The following ZNF320 variants were observed in gnomAD, a reference collection of about 807,000 sequenced individuals.
ZNF320 encodes the protein zinc finger gene 320.
ZNF320 carries 2 observed loss-of-function variants against 6.8 expected under a neutral mutation model. That is an observed-to-expected ratio of 0.29 (90% confidence interval 0.12 to 0.93). The LOEUF is 0.93. ZNF320 is among the 40% of genes least tolerant of loss of function. The probability of loss-of-function intolerance (pLI) is 0.55; values close to 1 mark genes in which losing one functional copy is unlikely to be tolerated. For missense variants in ZNF320, 472 were observed against 611.0 expected (o/e 0.77, Z 2.40); for synonymous variants, 208 against 203.2 (o/e 1.02, Z -0.20).
chr19:52,872,383 C>T (rs1175959573), downstream of ZNF320, among the ~76,000 whole-genome samples: 1 of 152,146 alleles, frequency 6.6e-6, no homozygotes, highest in African/African-American at 2.4e-5. Flanking sequence ...AGATAAGAGA[C>T]TGAGAAAAGA....
chr19:52,887,388 A>G (rs958493472), intron 5 of ZNF320, among the ~76,000 whole-genome samples: 1 of 152,228 alleles, frequency 6.6e-6, no homozygotes, highest in Non-Finnish European at 1.5e-5. Context: ...TCCCAGCCCT[A>G]TATTTCTGTA....
At chr19:52,866,116 TTA>T (rs1228265621) in intron 5 of ZNF320, among the ~76,000 whole-genome samples, 1 of 63,774 alleles carries the variant, frequency 1.6e-5, no homozygotes, top group African/African-American at 8.9e-5. Flanking sequence ...ATACATATAT[TTA>T]TATATGTATG....
At chr19:52,861,368 A>T (rs1481970184) in exon 6 of ZNF320, among the ~76,000 whole-genome samples, 1 of 152,218 alleles carries the variant, frequency 6.6e-6, no homozygotes, top group Admixed American at 6.5e-5. Context: ...AACATATATA[A>T]ATAGAGATAG....
upstream of ZNF320, among the ~76,000 whole-genome samples, chr19:52,898,498 A>T (rs183016692): frequency 0.011 from 1,684 of 152,302 alleles, 28 homozygotes; most frequent in African/African-American, 0.034. Flanking sequence ...AGGGATTTTT[A>T]AAAAAAGCAT....
intron 1 of ZNF320, among the ~76,000 whole-genome samples, chr19:52,896,758 G>A (rs1404781745): frequency 1.3e-5 from 2 of 152,172 alleles, no homozygotes; most frequent in Non-Finnish European, 2.9e-5. Context: ...TCTGGGGGCA[G>A]CGAATCTAAG....
intron 5 of ZNF320, among the ~76,000 whole-genome samples, chr19:52,866,869 CAA>C (rs58231328): frequency 0.02 from 2,129 of 108,828 alleles, 37 homozygotes; most frequent in African/African-American, 0.066. Context: ...ACAAAACATA[CAA>C]AAAAAAAAAA....
chr19:52,866,559 G>A (rs1198958661), intron 5 of ZNF320, among the ~76,000 whole-genome samples: 1 of 152,026 alleles, frequency 6.6e-6, no homozygotes, highest in African/African-American at 2.4e-5. Flanking sequence ...AACACTTGCA[G>A]GATAAAATAC....
intron 5 of ZNF320, among the ~76,000 whole-genome samples, chr19:52,869,605 C>T (rs926135256): frequency 9.9e-5 from 15 of 151,722 alleles, no homozygotes; most frequent in African/African-American, 2.2e-4. Context: ...GGTGTGATCT[C>T]GGCTCACTGC....
At chr19:52,865,473 C>T (rs1015839923) in intron 5 of ZNF320, 519 of 38,718 alleles carry the variant, frequency 0.013, 14 homozygotes, top group African/African-American at 0.052. Flanking sequence ...ATATATATTA[C>T]ATATATATAT....
intron 5 of ZNF320, among the ~76,000 whole-genome samples, chr19:52,868,605 T>A (rs986465472): frequency 9.9e-5 from 15 of 152,072 alleles, no homozygotes; most frequent in Non-Finnish European, 1.6e-4. Context: ...GACCCCAATT[T>A]GCACATACAG....
At chr19:52,899,401 T>A (rs1338213890), upstream of ZNF320, among the ~76,000 whole-genome samples, 1 of 151,896 alleles carries the variant, frequency 6.6e-6, no homozygotes, top group African/African-American at 2.4e-5. Flanking sequence ...TTAAATTTTC[T>A]ACAAACTTTT....
chr19:52,864,120 A>G (rs781248704), exon 6 of ZNF320: 1 of 330,802 alleles, frequency 3.0e-6, no homozygotes, highest in Non-Finnish European at 6.0e-6. Flanking sequence ...CACTCCAGCA[A>G]AGAGAACTCT....
At chr19:52,894,406 CAAAG>C (rs2064408734) in intron 1 of ZNF320, among the ~76,000 whole-genome samples, 4 of 145,750 alleles carry the variant, frequency 2.7e-5, no homozygotes, top group African/African-American at 1.0e-4. Context: ...AACCAAAAAA[CAAAG>C]AAAGAAAATT....
chr19:52,865,475 T>TATATATATATATATATATGTAATAC, intron 5 of ZNF320: 1 of 40,330 alleles, frequency 2.5e-5, no homozygotes, highest in African/African-American at 1.1e-4. Flanking sequence ...ATATATTACA[T>TATATATATATATATATATGTAATAC]ATATATATAA....
downstream of ZNF320, among the ~76,000 whole-genome samples, chr19:52,873,459 C>T (rs1224886625): frequency 6.6e-6 from 1 of 152,254 alleles, no homozygotes; most frequent in Non-Finnish European, 1.5e-5. Flanking sequence ...TGATTCAACA[C>T]AGCACATGTT....
intron 5 of ZNF320, among the ~76,000 whole-genome samples, chr19:52,869,183 A>C (rs370732596): frequency 7.1e-4 from 108 of 152,304 alleles, no homozygotes; most frequent in South Asian, 2.9e-3. Context: ...CAAATGGTAA[A>C]ATATTGACCC....
At chr19:52,888,628 T>C (rs1291744967) in intron 4 of ZNF320, among the ~76,000 whole-genome samples, 1 of 142,922 alleles carries the variant, frequency 7.0e-6, no homozygotes, top group African/African-American at 2.7e-5. Context: ...AGACTCTCTC[T>C]CAAAATAAAA....
intron 2 of ZNF320, among the ~76,000 whole-genome samples, chr19:52,892,762 G>T (rs78149688): frequency 0.073 from 10,964 of 149,570 alleles, 586 homozygotes; most frequent in African/African-American, 0.15. Flanking sequence ...TACCTCCCTG[G>T]CCCCACTCTC....
At chr19:52,888,946 G>C (rs1333937430) in intron 4 of ZNF320, among the ~76,000 whole-genome samples, 2 of 152,052 alleles carry the variant, frequency 1.3e-5, no homozygotes, top group Non-Finnish European at 2.9e-5. Context: ...AACACTTTGG[G>C]AGGCTGAGGC....
Sources: allele counts gnomAD v4.1 joint callset (sites outside exome capture counted in the v4.1 genomes callset), GRCh38; gene constraint gnomAD v4.1.1; transcripts MANE v1.5; gene names NCBI Gene and HGNC (gene_info 2026-07-23, HGNC 2026-07-21).